The following LRRC4C variants were observed in gnomAD, a reference collection of about 807,000 sequenced individuals.
LRRC4C encodes the protein leucine rich repeat containing 4C.
Under a neutral mutation model 33.6 loss-of-function variants are expected in LRRC4C, and 5 were observed. The observed-to-expected ratio is 0.15, with a 90% CI of 0.08 to 0.31. LRRC4C has a LOEUF of 0.31. Ranked by LOEUF, LRRC4C falls within the 10% of genes least tolerant of loss-of-function variation. The probability of loss-of-function intolerance (pLI) is 1.00; values close to 1 mark genes in which losing one functional copy is unlikely to be tolerated. For missense variants in LRRC4C, 560 were observed against 796.7 expected (o/e 0.70, Z 3.58); for synonymous variants, 329 against 302.0 (o/e 1.09, Z -0.93).
chr11:40,960,032 A>G (rs986776415), intron 1 of LRRC4C, among the ~76,000 whole-genome samples: 26 of 151,630 alleles, frequency 1.7e-4, no homozygotes, highest in African/African-American at 5.8e-4. Context: ...AGATATATCA[A>G]ATCAAAGAAA....
intron 3 of LRRC4C, among the ~76,000 whole-genome samples, chr11:40,466,603 A>C (rs1952664934): frequency 6.6e-6 from 1 of 151,708 alleles, no homozygotes; most frequent in Non-Finnish European, 1.5e-5. Context: ...TATTACCATA[A>C]TTTTACATAT....
rs78943033 is a variant in LRRC4C at position 40,764,198 on chromosome 11, A to G, written c.-406-115920T>C. On this transcript the variant is annotated intron_variant, in intron 2 of 6. Transcript: ENST00000528697. ...GCCCTAGCTCCTGAATAACATTTCT[A>G]GACAAACTGTGGGACAGAAGGAAAC... Among the ~76,000 whole-genome samples the G allele has an allele frequency of 1.3e-3, 193 of 152,268 alleles. 1 individual carries two copies. The highest frequency in any genetic ancestry group is 2.4e-3 in the Non-Finnish European group (163 of 68,020).
At chr11:41,109,533 T>C (rs1319657517) in intron 1 of LRRC4C, among the ~76,000 whole-genome samples, 1 of 152,116 alleles carries the variant, frequency 6.6e-6, no homozygotes, top group African/African-American at 2.4e-5. Flanking sequence ...GAGCTAAGAT[T>C]CAATGAAATG....
At chr11:40,793,732 G>A (rs1432752869) in intron 2 of LRRC4C, among the ~76,000 whole-genome samples, 1 of 152,018 alleles carries the variant, frequency 6.6e-6, no homozygotes, top group Non-Finnish European at 1.5e-5. Flanking sequence ...TATTTAAAAA[G>A]GTATATACCA....
chr11:40,457,443 T>C lies in LRRC4C; in HGVS notation c.-269-137722A>G, dbSNP rs147296486. On this transcript the variant is annotated intron_variant, in intron 3 of 6. Coordinates refer to ENST00000528697, the MANE Select transcript of LRRC4C (RefSeq NM_001258419.2). ...TTACTACTAAATTTAGAGTCTCCTT[T>C]AAGGCAGGGCACTTGTATCATTTAT... is the stretch of plus-strand genomic sequence containing the variant. 9.0e-4 allele frequency among the ~76,000 whole-genome samples: 137 copies of C among 152,262 alleles called. No individual in the cohort carries two copies. In the Middle Eastern group the frequency reaches 0.014, roughly 15 times the overall value.
intron 3 of LRRC4C, among the ~76,000 whole-genome samples, chr11:40,546,962 C>T (rs1956949773): frequency 6.6e-6 from 1 of 152,108 alleles, no homozygotes; most frequent in African/African-American, 2.4e-5. Context: ...GAATTCACAC[C>T]TAGCCTTGGC....
At chr11:40,727,096 G>A (rs796921758) in intron 2 of LRRC4C, among the ~76,000 whole-genome samples, 14 of 152,110 alleles carry the variant, frequency 9.2e-5, no homozygotes, top group African/African-American at 3.4e-4. Flanking sequence ...GAAAGAAATC[G>A]TAGTTGAGAT....
chr11:41,195,289 A>G (rs1416027649), intron 1 of LRRC4C, among the ~76,000 whole-genome samples: 1 of 152,152 alleles, frequency 6.6e-6, no homozygotes, highest in Admixed American at 6.6e-5. Context: ...TGATAATTTC[A>G]TGAATTCTGA....
At chr11:40,151,580 C>T (rs1268385725) in intron 5 of LRRC4C, among the ~76,000 whole-genome samples, 1 of 152,166 alleles carries the variant, frequency 6.6e-6, no homozygotes, top group East Asian at 1.9e-4. Context: ...AGAACTCAGC[C>T]TTAAATTGTT....
chr11:41,282,785 G>A (rs892964096), intron 1 of LRRC4C, among the ~76,000 whole-genome samples: 1 of 152,136 alleles, frequency 6.6e-6, no homozygotes, highest in African/African-American at 2.4e-5. Flanking sequence ...ATCTGAATCC[G>A]AGGCCTCCAT....
intron 2 of LRRC4C, among the ~76,000 whole-genome samples, chr11:40,837,897 T>C (rs994963575): frequency 1.3e-5 from 2 of 151,744 alleles, no homozygotes; most frequent in Non-Finnish European, 2.9e-5. Context: ...TATATATATA[T>C]ATATATACAC....
intron 1 of LRRC4C, among the ~76,000 whole-genome samples, chr11:41,456,766 C>A (rs1459910852): frequency 6.6e-6 from 1 of 152,114 alleles, no homozygotes. Flanking sequence ...ATGAAACAAA[C>A]CCTGGTAAAC....
At chr11:40,131,333 A>C (rs1856629604) in intron 6 of LRRC4C, among the ~76,000 whole-genome samples, 1 of 152,234 alleles carries the variant, frequency 6.6e-6, no homozygotes, top group African/African-American at 2.4e-5. Context: ...TAAACAAATG[A>C]AAATTTATAT....
chr11:41,160,736 G>A (rs1296795619), intron 1 of LRRC4C, among the ~76,000 whole-genome samples: 1 of 152,098 alleles, frequency 6.6e-6, no homozygotes, highest in Non-Finnish European at 1.5e-5. Flanking sequence ...GTCTAGCAAA[G>A]GATACAGACA....
chr11:41,437,423 G>GCACACACACACACA (rs1173350573), intron 1 of LRRC4C, among the ~76,000 whole-genome samples: 14 of 149,682 alleles, frequency 9.4e-5, no homozygotes, highest in African/African-American at 3.0e-4. Flanking sequence ...GCGCGCGCGC[G>GCACACACACACACA]CGCACACACA....
intron 1 of LRRC4C, among the ~76,000 whole-genome samples, chr11:41,272,724 C>CA (rs1263125161): frequency 3.9e-5 from 6 of 152,064 alleles, no homozygotes; most frequent in African/African-American, 1.4e-4. Context: ...CCTTATCTTT[C>CA]AAAAAAGAAG....
At chr11:40,852,564 G>C (rs1225756250) in intron 2 of LRRC4C, among the ~76,000 whole-genome samples, 1 of 152,020 alleles carries the variant, frequency 6.6e-6, no homozygotes, top group Non-Finnish European at 1.5e-5. Context: ...TGTTTTAAAT[G>C]GTGTGTGTTA....
intron 4 of LRRC4C, among the ~76,000 whole-genome samples, chr11:40,297,203 T>C (rs181714189): frequency 1.3e-5 from 2 of 152,320 alleles, no homozygotes; most frequent in Admixed American, 1.3e-4. Context: ...TTTAACAAGC[T>C]GTAGGCAACT....
intron 1 of LRRC4C, among the ~76,000 whole-genome samples, chr11:41,365,306 C>A (rs1469102407): frequency 1.3e-5 from 2 of 151,906 alleles, no homozygotes; most frequent in African/African-American, 4.8e-5. Flanking sequence ...CCAACACCCC[C>A]AGATGGGACC....
Sources: gnomAD v4.1 joint callset for allele counts (sites outside exome capture counted in the v4.1 genomes callset) on GRCh38, gnomAD v4.1.1 for gene constraint, MANE v1.5 for transcripts, NCBI Gene and HGNC (gene_info 2026-07-23, HGNC 2026-07-21) for gene names.